Variants in ZNF678 observed in about 807,000 individuals in gnomAD.
ZNF678 encodes the protein zinc finger protein 678.
Under a neutral mutation model 3.0 loss-of-function variants are expected in ZNF678, and 5 were observed. The ratio of observed to expected loss-of-function variants is 1.69; its 90% confidence interval spans 0.88 to 3.56. The LOEUF (loss-of-function observed/expected upper bound fraction) is 3.56, where lower values mean the gene tolerates loss of function less well. Ranked by LOEUF, ZNF678 falls within the 30% of genes most tolerant of loss-of-function variation. The probability of loss-of-function intolerance (pLI) is 0.00; values close to 1 mark genes in which losing one functional copy is unlikely to be tolerated. For synonymous variants in ZNF678, 218 were observed against 199.6 expected, an observed-to-expected ratio of 1.09 and a Z score of -0.78; for missense variants, 593 against 605.0, an observed-to-expected ratio of 0.98 and a Z score of 0.21.
At chr1:227,598,564 C>G in intron 1 of ZNF678, 1 of 763,062 alleles carries the variant, frequency 1.3e-6, no homozygotes, top group Non-Finnish European at 2.1e-6. Context: ...CGTACCTCCT[C>G]AGTAAACTGT....
At chr1:227,670,181 G>A (rs1659576019) in intron 5 of ZNF678, among the ~76,000 whole-genome samples, 1 of 152,180 alleles carries the variant, frequency 6.6e-6, no homozygotes, top group Admixed American at 6.5e-5. Flanking sequence ...TAGGAAGAGA[G>A]ACGGGCATGT....
At chr1:227,647,717 C>T (rs1658992937) in intron 2 of ZNF678, among the ~76,000 whole-genome samples, 2 of 151,766 alleles carry the variant, frequency 1.3e-5, no homozygotes, top group Non-Finnish European at 2.9e-5. Flanking sequence ...AAGGATTCCA[C>T]TACCCATGAA....
At chr1:227,651,742 TA>T (rs1423969225) in intron 3 of ZNF678, among the ~76,000 whole-genome samples, 8 of 152,182 alleles carry the variant, frequency 5.3e-5, no homozygotes, top group African/African-American at 1.9e-4. Context: ...AAAGCAATCA[TA>T]AATGTACTTT....
chr1:227,619,245 T>C (rs1427163637), intron 1 of ZNF678, among the ~76,000 whole-genome samples: 3 of 152,222 alleles, frequency 2.0e-5, no homozygotes, highest in Non-Finnish European at 4.4e-5. Flanking sequence ...TTTGGCTGTT[T>C]ATAAGTTGTA....
intron 2 of ZNF678, among the ~76,000 whole-genome samples, chr1:227,648,041 A>T (rs578023277): frequency 6.6e-6 from 1 of 152,294 alleles, no homozygotes; most frequent in African/African-American, 2.4e-5. Context: ...CACTAAATAT[A>T]AGAAAATCTA....
intron 1 of ZNF678, among the ~76,000 whole-genome samples, chr1:227,574,791 G>C (rs1433924977): frequency 1.3e-5 from 2 of 151,906 alleles, no homozygotes; most frequent in Non-Finnish European, 2.9e-5. Flanking sequence ...TTATAGTTTT[G>C]GGTTTTACAT....
chr1:227,568,133 G>C (rs762070148), intron 1 of ZNF678, among the ~76,000 whole-genome samples: 1 of 152,074 alleles, frequency 6.6e-6, no homozygotes, highest in African/African-American at 2.4e-5. Context: ...AAAGAGAGAA[G>C]CTAACCCATT....
intron 1 of ZNF678, among the ~76,000 whole-genome samples, chr1:227,592,631 C>G (rs778646122): frequency 6.6e-6 from 1 of 152,198 alleles, no homozygotes; most frequent in Non-Finnish European, 1.5e-5. Context: ...TTAACTGTCA[C>G]CCACTAAAAT....
chr1:227,675,856 A>T (rs1426870901), intron 5 of ZNF678, among the ~76,000 whole-genome samples: 1 of 152,212 alleles, frequency 6.6e-6, no homozygotes, highest in Non-Finnish European at 1.5e-5. Flanking sequence ...CCAAAGTGGT[A>T]AACTCATGTT....
intron 1 of ZNF678, among the ~76,000 whole-genome samples, chr1:227,583,352 C>CTTTTT (rs796974595): frequency 7.6e-6 from 1 of 131,914 alleles, no homozygotes; most frequent in African/African-American, 2.8e-5. Context: ...TTTCTTTTTT[C>CTTTTT]TTTTTTTTTT....
Position 227,655,938 on chromosome 1 carries a change from C to A in ZNF678, c.*110C>A. 1 of 787,992 alleles carries A rather than the reference C, an allele frequency of 1.3e-6. No individual in the cohort carries two copies. The highest frequency in any genetic ancestry group is 1.9e-6 in the Non-Finnish European group (1 of 524,088). 48.8% of individuals were successfully genotyped at this position (787,992 alleles called of 1,614,324 possible). On this transcript the variant is annotated 3_prime_UTR_variant, in exon 4 of 4. Coordinates refer to ENST00000343776, the MANE Select transcript of ZNF678 (RefSeq NM_001367909.1). Reference sequence around the variant, plus strand: ...AAAATGTAAGCTTCAGAGTGCACAACACTATACTGAATGAAATTTATAAAT... The same window carrying A: ...AAAATGTAAGCTTCAGAGTGCACAAAACTATACTGAATGAAATTTATAAAT...
At chr1:227,633,747 G>A (rs73094556) in intron 1 of ZNF678, among the ~76,000 whole-genome samples, 1,634 of 152,270 alleles carry the variant, frequency 0.011, 31 homozygotes, top group African/African-American at 0.038. Flanking sequence ...TGCAGCTGTG[G>A]GCTAAAGTGC....
In ZNF678 at chr1:227,575,622, G is replaced by A. The variant is rs186616535; in HGVS notation, c.-164+11898G>A. Among the ~76,000 whole-genome samples the A allele has an allele frequency of 6.6e-5, 10 of 152,198 alleles. 2 individuals carry two copies. Among genetic ancestry groups the A allele is most frequent in the African/African-American group, 1.7e-4 (7 of 41,518 alleles). On this transcript the variant is annotated intron_variant, in intron 1 of 3. Transcript: ENST00000343776. ...TCCTGAGACTTTACTGAAGTTGTTT[G>A]TCAGCATAGGGAGATTTTGGGGCGA...
intron 1 of ZNF678, among the ~76,000 whole-genome samples, chr1:227,623,202 C>A (rs576175448): frequency 6.6e-6 from 1 of 152,316 alleles, no homozygotes; most frequent in Non-Finnish European, 1.5e-5. Flanking sequence ...ATTCCCAATA[C>A]CAAGCATAGT....
chr1:227,567,334 C>T (rs987607922), intron 1 of ZNF678, among the ~76,000 whole-genome samples: 2 of 152,158 alleles, frequency 1.3e-5, no homozygotes, highest in Non-Finnish European at 2.9e-5. Flanking sequence ...GGCATTTTCT[C>T]ATTTAAAACT....
intron 1 of ZNF678, among the ~76,000 whole-genome samples, chr1:227,589,040 G>A (rs1157666438): frequency 6.6e-6 from 1 of 151,774 alleles, no homozygotes; most frequent in African/African-American, 2.4e-5. Context: ...CTGAATATTG[G>A]ACCTTTGTCA....
chr1:227,655,674 G>C lies in ZNF678; in HGVS notation c.1424G>C (p.Ser475Thr), dbSNP rs1659226157. Residue 475 changes from serine to threonine, a missense_variant, in exon 4 of 4, where the codon AGC (serine) becomes ACC (threonine). Physicochemically the swap from Ser to Thr is moderately conservative, Grantham distance 58. Coordinates refer to ENST00000343776, the MANE Select transcript of ZNF678 (RefSeq NM_001367909.1). Reference sequence around the variant, plus strand: ...GGCAAAGCCTTTAACCAGTTCTCAAGCCTTACTCGTCATAAAAGAATTCAT... The same window carrying C: ...GGCAAAGCCTTTAACCAGTTCTCAACCCTTACTCGTCATAAAAGAATTCAT... ...ECGKAFNQFSSLTRHKRIHTG... is the reference protein window; with the variant it reads ...ECGKAFNQFSTLTRHKRIHTG... 3 of 1,612,118 alleles carry C rather than the reference G, an allele frequency of 1.9e-6. No individual in the cohort carries two copies. The highest frequency in any genetic ancestry group is 2.2e-5 in the South Asian group (2 of 91,010).
chr1:227,643,982 G>C lies in ZNF678; in HGVS notation c.-163-2562G>C, dbSNP rs545871760. Reference sequence around the variant, plus strand: ...GGGTTCAAGTGATTCTCCTGCGTCAGCCTCCCGAGTGGCTGGGATTATAGG... The same window carrying C: ...GGGTTCAAGTGATTCTCCTGCGTCACCCTCCCGAGTGGCTGGGATTATAGG... On this transcript the variant is annotated intron_variant, in intron 1 of 3. Transcript: ENST00000343776. Among the ~76,000 whole-genome samples the C allele has an allele frequency of 2.5e-3, 373 of 150,812 alleles. 5 individuals are homozygous for C. The highest frequency in any genetic ancestry group is 8.9e-3 in the African/African-American group (366 of 41,046).
At position 227,655,280 on chromosome 1, in the gene ZNF678, A is replaced by G; in HGVS notation, c.1030A>G (p.Thr344Ala). 3 of 1,611,288 alleles carry G rather than the reference A, an allele frequency of 1.9e-6. No homozygotes were observed. The highest frequency in any genetic ancestry group is 2.5e-6 in the Non-Finnish European group (3 of 1,178,258). The change falls in exon 4 of 4, where the codon ACT becomes GCT. Residue 344 changes from threonine to alanine, a missense_variant. Transcript: ENST00000343776. ...SHLSSHKRIHTGEKPYKCEEC... is the reference protein window; with the variant it reads ...SHLSSHKRIHAGEKPYKCEEC... ...CCTAAGTAGCCATAAGAGAATTCAT[A>G]CTGGAGAGAAACCCTACAAATGTGA...
Sources: allele counts gnomAD v4.1 joint callset (sites outside exome capture counted in the v4.1 genomes callset), GRCh38; gene constraint gnomAD v4.1.1; transcripts MANE v1.5; gene names NCBI Gene and HGNC (gene_info 2026-07-23, HGNC 2026-07-21).